Variants in NCAPD3 observed in about 807,000 individuals in gnomAD.
NCAPD3 encodes non-SMC condensin II complex subunit D3.
Under a neutral mutation model 182.9 loss-of-function variants are expected in NCAPD3, and 105 were observed. The ratio of observed to expected loss-of-function variants is 0.57; its 90% confidence interval spans 0.49 to 0.68. NCAPD3 has a LOEUF of 0.68. Among genes scored for constraint, NCAPD3 ranks in the 30% least tolerant of loss-of-function variants. The probability of loss-of-function intolerance (pLI) is 0.00; values close to 1 mark genes in which losing one functional copy is unlikely to be tolerated. For missense variants in NCAPD3, 1,944 were observed against 1,837.0 expected (o/e 1.06, Z -1.07); for synonymous variants, 815 against 679.9 (o/e 1.20, Z -3.09).
In NCAPD3 at chr11:134,204,809, A is replaced by C. The variant is rs1944816305; in HGVS notation, c.1089+90T>G. The C allele has an allele frequency of 9.3e-7, 1 of 1,078,888 alleles. No homozygotes were observed. The highest frequency in any genetic ancestry group is 1.6e-5 in the African/African-American group (1 of 62,512). The allele number at this position is 1,078,888 out of a possible 1,614,324, so 66.8% of individuals were successfully genotyped here. On this transcript the variant is annotated intron_variant, in intron 9 of 34. Coordinates refer to ENST00000534548, the MANE Select transcript of NCAPD3 (RefSeq NM_015261.3). This position sits in a 1 kb window ranked among gnomAD's most constrained non-coding sequence, Gnocchi z 4.3. ...TAACAATGCACACTCATTCCCAAGA[A>C]CAAATACCCACACTCACACACACAC...
At position 134,162,139 on chromosome 11, in the gene NCAPD3, G is replaced by A. The variant is rs73042029; in HGVS notation, c.3574-248C>T. Among the ~76,000 whole-genome samples, 337 of 152,264 alleles carry A rather than the reference G, an allele frequency of 2.2e-3. 2 individuals carry two copies. The highest frequency in any genetic ancestry group is 4.0e-3 in the Non-Finnish European group (274 of 68,010). On this transcript the variant is annotated intron_variant, in intron 27 of 34. Coordinates refer to ENST00000534548, the MANE Select transcript of NCAPD3 (RefSeq NM_015261.3). ...ATACTACTCATATATTCTAAATGGG[G>A]AAAAAGAATTAGAAACATGTTGAGT...
Position 134,153,304 on chromosome 11 carries a change from G to A in NCAPD3, c.4312C>T (p.Pro1438Ser), listed in dbSNP as rs1943315001. 4 of 1,614,086 alleles carry A rather than the reference G, an allele frequency of 2.5e-6. No individual in the cohort carries two copies. The highest frequency in any genetic ancestry group is 3.4e-6 in the Non-Finnish European group (4 of 1,180,048). ...GVSYIGTPRTPSSAKEKIEGR... is the reference protein window; with the variant it reads ...GVSYIGTPRTSSSAKEKIEGR... ...AAGAACTTGCCTTTGGCTGACGACG[G>A]AGTCCGTGGTGTCCCGATGTAACTG... is the stretch of plus-strand genomic sequence containing the variant. Residue 1438 changes from proline to serine, a missense_variant, in exon 33 of 35, where the codon CCG (proline) becomes TCG (serine). By Grantham distance (74) the Pro-to-Ser change is moderately conservative (BLOSUM62 -1). Around this residue, in one of 3 missense-constraint regions of NCAPD3, gnomAD observed 1,803 missense variants for 1,674.6 expected, o/e 1.08. Transcript: ENST00000534548.
At chr11:134,197,307 CACTCTGCTGCCCAGG>C (rs1482092029) in intron 13 of NCAPD3, among the ~76,000 whole-genome samples, 28 of 132,902 alleles carry the variant, frequency 2.1e-4, no homozygotes, top group Non-Finnish European at 6.1e-5. Context: ...GACAGAGTCT[CACTCTGCTGCCCAGG>C]ATGGAGTGCA....
chr11:134,223,775 A>AC, intron 1 of NCAPD3, 88 bp downstream of exon 1: 1 of 1,142,956 alleles, frequency 8.7e-7, no homozygotes. Context: ...CCCCGCCCCC[A>AC]CCGGCACCCC....
intron 16 of NCAPD3, among the ~76,000 whole-genome samples, chr11:134,186,399 G>C (rs970540687): frequency 1.3e-5 from 2 of 152,138 alleles, no homozygotes; most frequent in African/African-American, 4.8e-5. Context: ...TCTTTCTTGA[G>C]ACAGGGTCTC....
Position 134,192,906 on chromosome 11 carries a change from G to A in NCAPD3, c.1828C>T (p.Gln610Ter). 6.3e-7 allele frequency: 1 copy of A among 1,586,256 alleles called. No individual in the cohort carries two copies. The highest frequency in any genetic ancestry group is 8.7e-7 in the Non-Finnish European group (1 of 1,155,042). Residue 610 changes from glutamine to a stop codon, truncating the protein, a stop_gained, in exon 16 of 35, where the codon CAG (glutamine) becomes TAG (stop). Transcript: ENST00000534548. LOFTEE classifies it high-confidence loss of function. The stretch of plus-strand genomic sequence containing the variant: ...TTCTGGATCTGCACGCATCTAGGCT[G>A]AGCCTTAGGAGTGAAAGATTATGAC... ...LQSLTELLMA[Q>*]PRCVQIQKAW...
At chr11:134,174,390 A>T (rs1944106350) in intron 24 of NCAPD3, among the ~76,000 whole-genome samples, 1 of 150,064 alleles carries the variant, frequency 6.7e-6, no homozygotes, top group East Asian at 1.9e-4. Context: ...CTCAAAAAAA[A>T]AAAAAAAAAA....
chr11:134,181,621 T>G (rs1037954108), intron 19 of NCAPD3, among the ~76,000 whole-genome samples: 2 of 152,180 alleles, frequency 1.3e-5, no homozygotes, highest in African/African-American at 4.8e-5. Flanking sequence ...CTTCTGAAAT[T>G]TATGCATTAG....
intron 27 of NCAPD3, among the ~76,000 whole-genome samples, chr11:134,165,406 G>T (rs75072309): frequency 6.7e-6 from 1 of 149,946 alleles, no homozygotes; most frequent in Admixed American, 6.7e-5. Flanking sequence ...ACACTTCTGA[G>T]ATGAGCTTAG....
In NCAPD3 at chr11:134,151,537, A is replaced by AGAG; in HGVS notation, c.*1404_*1406dup. The stretch of plus-strand genomic sequence containing the variant: ...TGAAAAAGTAGAGAGAAGTGAAAGT[A>AGAG]GAGTCTGGGAAGTAGCTGCCTATAA... On this transcript the variant is annotated 3_prime_UTR_variant, in exon 35 of 35. Coordinates refer to ENST00000534548, the MANE Select transcript of NCAPD3 (RefSeq NM_015261.3). 6.6e-6 allele frequency: 1 copy of AGAG among 152,352 alleles called. No individual in the cohort carries two copies. The highest frequency in any genetic ancestry group is 1.5e-5 in the Non-Finnish European group (1 of 68,038). The allele number at this position is 152,352 out of a possible 1,614,324, so 9.4% of individuals were successfully genotyped here. A position where few individuals can be genotyped will look rare whatever the true frequency, so the allele number is the denominator to read the frequency against.
At chr11:134,160,144 C>A in intron 28 of NCAPD3, 70 bp from the exon 29 acceptor site, 4 of 1,513,742 alleles carry the variant, frequency 2.6e-6, no homozygotes, top group Non-Finnish European at 3.6e-6. Context: ...ACCCCCACGA[C>A]ACACCTTCGC....
rs1326093908 is a variant in NCAPD3 at position 134,151,344 on chromosome 11, A to G, written c.*1600T>C. 6.6e-6 allele frequency: 1 copy of G among 152,148 alleles called. No individual in the cohort carries two copies. Among genetic ancestry groups the G allele is most frequent in the African/African-American group, 2.4e-5 (1 of 41,428 alleles). 9.4% of individuals were successfully genotyped at this position (152,148 alleles called of 1,614,324 possible). On this transcript the variant is annotated 3_prime_UTR_variant, in exon 35 of 35. Coordinates refer to ENST00000534548, the MANE Select transcript of NCAPD3 (RefSeq NM_015261.3). ...TGGCATCCTGGATGCTTAGCATGCA[A>G]GTTCCCTCCATCATTGCCACCTTGG...
intron 16 of NCAPD3, among the ~76,000 whole-genome samples, chr11:134,187,222 G>A (rs1474943567): frequency 6.6e-6 from 1 of 152,158 alleles, no homozygotes; most frequent in Non-Finnish European, 1.5e-5. Flanking sequence ...CTCCACCAGA[G>A]GTTACTGACT....
rs1591822027 is a variant in NCAPD3, at chr11:134,161,172, T to C, written c.3684+609A>G. ...AAAACACATAATGTGAACAGAGCTA[T>C]AACTGCTGAATTAAAGAAAAACTAT... is the stretch of plus-strand genomic sequence containing the variant. On this transcript the variant is annotated intron_variant, in intron 28 of 34. Transcript: ENST00000534548. Among the ~76,000 whole-genome samples the C allele has an allele frequency of 2.6e-5, 4 of 152,308 alleles. No individual in the cohort carries two copies. In the South Asian group the frequency reaches 8.3e-4, roughly 32 times the overall value.
chr11:134,220,818 A>G (rs1169685192), intron 1 of NCAPD3, 92 bp from the exon 2 acceptor site: 1 of 1,220,978 alleles, frequency 8.2e-7, no homozygotes, highest in African/African-American at 1.5e-5. Context: ...AGAGGAGAAA[A>G]GTTTACTAGT....
intron 25 of NCAPD3, 124 bp downstream of exon 25, chr11:134,168,793 A>C (rs1189113669): frequency 8.5e-6 from 12 of 1,412,544 alleles, no homozygotes; most frequent in African/African-American, 1.4e-5. Flanking sequence ...CCATCCTGCC[A>C]AGCCACAGTA....
At chr11:134,183,306 C>A (rs770960892) in intron 19 of NCAPD3, among the ~76,000 whole-genome samples, 1 of 152,194 alleles carries the variant, frequency 6.6e-6, no homozygotes, top group Admixed American at 6.5e-5. Context: ...AGTCTTACCA[C>A]GCCTGTAATC....
chr11:134,201,560 G>A (rs958559030), intron 13 of NCAPD3, among the ~76,000 whole-genome samples: 1 of 152,180 alleles, frequency 6.6e-6, no homozygotes, highest in Non-Finnish European at 1.5e-5. Flanking sequence ...AGAGCAAAGT[G>A]CATCTAAGTG....
chr11:134,158,175 C>T (rs1305300964), intron 30 of NCAPD3, 108 bp from the exon 31 acceptor site: 13 of 1,522,458 alleles, frequency 8.5e-6, no homozygotes, highest in Admixed American at 1.8e-5. Context: ...TCCCTCACCA[C>T]CCTCATTCAA....
Sources: allele counts gnomAD v4.1 joint callset (sites outside exome capture counted in the v4.1 genomes callset), GRCh38; gene constraint gnomAD v4.1.1; regional missense constraint gnomAD v4.1.1; non-coding constraint Gnocchi (gnomAD v3.1); transcripts MANE v1.5; gene names NCBI Gene and HGNC (gene_info 2026-07-23, HGNC 2026-07-21).